Variants in ERBB4 observed in about 807,000 individuals in gnomAD.
The protein encoded by ERBB4 is receptor tyrosine-protein kinase erbB-4.
Under a neutral mutation model 158.0 loss-of-function variants are expected in ERBB4, and 42 were observed. That is an observed-to-expected ratio of 0.27 (90% CI 0.21 to 0.34). The LOEUF (loss-of-function observed/expected upper bound fraction) is 0.34. Among genes scored for constraint, ERBB4 ranks in the 10% least tolerant of loss-of-function variants. ERBB4 has a pLI of 1.00. For synonymous variants in ERBB4, 583 were observed against 558.7 expected (o/e 1.04, Z -0.61); for missense variants, 1,333 against 1,624.1 (o/e 0.82, Z 3.08).
At chr2:212,435,935 G>C (rs1046133721) in intron 1 of ERBB4, among the ~76,000 whole-genome samples, 16 of 151,368 alleles carry the variant, frequency 1.1e-4, no homozygotes, top group Admixed American at 6.6e-5. Context: ...ATAATCCTTT[G>C]GTGTGTCCCA....
Position 211,379,801 on chromosome 2 carries a change from G to T in ERBB4, c.*3814C>A, listed in dbSNP as rs934891391. ...GAATAATTCCAGTTTTGAAATAAAG[G>T]TTAGAGAGCTCTAGAAAAACTTGTA... On this transcript the variant is annotated 3_prime_UTR_variant, in exon 28 of 28. Transcript: ENST00000342788. 1 of 231,046 alleles carries T rather than the reference G, an allele frequency of 4.3e-6. No individual in the cohort carries two copies. The highest frequency in any genetic ancestry group is 2.2e-5 in the African/African-American group (1 of 45,354). 14.3% of individuals were successfully genotyped at this position (231,046 alleles called of 1,614,324 possible).
intron 20 of ERBB4, among the ~76,000 whole-genome samples, chr2:211,513,922 A>G (rs1362626354): frequency 1.3e-5 from 2 of 152,102 alleles, no homozygotes; most frequent in Non-Finnish European, 2.9e-5. Flanking sequence ...TGCTATTTTG[A>G]TGTAATGATC....
At chr2:211,972,326 G>T (rs962506646) in intron 2 of ERBB4, among the ~76,000 whole-genome samples, 1 of 152,152 alleles carries the variant, frequency 6.6e-6, no homozygotes, top group African/African-American at 2.4e-5. Flanking sequence ...TGGTCATACT[G>T]CCCAAAGCAA....
In ERBB4 at chr2:211,494,161, C is replaced by T. The variant is rs138013860; in HGVS notation, c.2488-63061G>A. 2.5e-3 allele frequency among the ~76,000 whole-genome samples: 382 copies of T among 152,154 alleles called. 1 individual carries two copies. Among genetic ancestry groups the T allele is most frequent in the African/African-American group, 8.7e-3 (361 of 41,536 alleles). ...GTGACTACAGGCAAGTGCTAACACG[C>T]CCAGCTAATTTTTGTATTTTTAGTA... On this transcript the variant is annotated intron_variant, in intron 20 of 27. Transcript: ENST00000342788.
chr2:212,236,586 C>T (rs1016141077), intron 1 of ERBB4, among the ~76,000 whole-genome samples: 4 of 152,184 alleles, frequency 2.6e-5, no homozygotes. Context: ...GCTCCGAATC[C>T]ATCTGGTCCT....
chr2:211,592,921 G>T (rs2068518874), intron 19 of ERBB4, among the ~76,000 whole-genome samples: 1 of 151,702 alleles, frequency 6.6e-6, no homozygotes. Context: ...TGAGGCAGGA[G>T]AATCGCTTGA....
intron 1 of ERBB4, among the ~76,000 whole-genome samples, chr2:212,514,134 G>A (rs1691689409): frequency 6.6e-6 from 1 of 151,462 alleles, no homozygotes; most frequent in Non-Finnish European, 1.5e-5. Flanking sequence ...AATCTTGTTT[G>A]CTCACTATCA....
chr2:211,994,752 C>A (rs1192162818), intron 2 of ERBB4, among the ~76,000 whole-genome samples: 1 of 152,070 alleles, frequency 6.6e-6, no homozygotes, highest in Non-Finnish European at 1.5e-5. Flanking sequence ...AAAGAAGGAG[C>A]CGTAGATATC....
intron 1 of ERBB4, among the ~76,000 whole-genome samples, chr2:212,157,734 A>G (rs2081084473): frequency 6.6e-6 from 1 of 152,116 alleles, no homozygotes; most frequent in Admixed American, 6.6e-5. Context: ...CATGTATAGA[A>G]ACTTTGTTTA....
At chr2:212,164,596 A>G (rs1034725615) in intron 1 of ERBB4, among the ~76,000 whole-genome samples, 2 of 152,062 alleles carry the variant, frequency 1.3e-5, no homozygotes, top group African/African-American at 4.8e-5. Context: ...TTTTGGGAAA[A>G]TAAATAAATA....
chr2:212,206,006 C>T (rs754007504), intron 1 of ERBB4, among the ~76,000 whole-genome samples: 5 of 152,056 alleles, frequency 3.3e-5, no homozygotes, highest in Non-Finnish European at 5.9e-5. Flanking sequence ...CCTTATAATA[C>T]CTATGATAAT....
At chr2:212,311,687 G>A (rs1028128528) in intron 1 of ERBB4, among the ~76,000 whole-genome samples, 1 of 150,676 alleles carries the variant, frequency 6.6e-6, no homozygotes, top group Non-Finnish European at 1.5e-5. Context: ...ACCACAAATG[G>A]GACCATTTTG....
intron 2 of ERBB4, among the ~76,000 whole-genome samples, chr2:212,114,825 A>T (rs928499555): frequency 3.9e-5 from 6 of 152,070 alleles, no homozygotes; most frequent in African/African-American, 1.4e-4. Context: ...CTGAACCTCC[A>T]AAAAAGCTTT....
At chr2:211,833,409 C>G (rs1046652807) in intron 3 of ERBB4, among the ~76,000 whole-genome samples, 1 of 152,000 alleles carries the variant, frequency 6.6e-6, no homozygotes, top group African/African-American at 2.4e-5. Context: ...GTAGAGGAAA[C>G]CCTTCCCAGA....
At chr2:211,749,671 C>T (rs570398977) in intron 5 of ERBB4, among the ~76,000 whole-genome samples, 1 of 151,644 alleles carries the variant, frequency 6.6e-6, no homozygotes, top group Non-Finnish European at 1.5e-5. Flanking sequence ...TAAAATAATC[C>T]TTTTATATCT....
intron 3 of ERBB4, among the ~76,000 whole-genome samples, chr2:211,824,668 GAAAAGA>G (rs1293898575): frequency 2.8e-5 from 4 of 141,614 alleles, no homozygotes; most frequent in African/African-American, 5.3e-5. Context: ...ATTTACAATA[GAAAAGA>G]AATGAACTTG....
At chr2:212,288,644 TA>T (rs2086092568) in intron 1 of ERBB4, among the ~76,000 whole-genome samples, 2 of 152,124 alleles carry the variant, frequency 1.3e-5, no homozygotes, top group Non-Finnish European at 2.9e-5. Flanking sequence ...TTTCATCCAA[TA>T]AACCCTGTCC....
chr2:211,520,824 C>G (rs1337936296), intron 20 of ERBB4, among the ~76,000 whole-genome samples: 1 of 152,064 alleles, frequency 6.6e-6, no homozygotes, highest in African/African-American at 2.4e-5. Context: ...ATATTTTAAA[C>G]TTTGTTATAA....
At chr2:211,997,800 A>G (rs1258453917) in intron 2 of ERBB4, among the ~76,000 whole-genome samples, 1 of 152,022 alleles carries the variant, frequency 6.6e-6, no homozygotes, top group Non-Finnish European at 1.5e-5. Flanking sequence ...GAATAAGGTA[A>G]CACTGATAAA....
Sources: gnomAD v4.1 joint callset for allele counts (sites outside exome capture counted in the v4.1 genomes callset) on GRCh38, gnomAD v4.1.1 for gene constraint, MANE v1.5 for transcripts, NCBI Gene and HGNC (gene_info 2026-07-23, HGNC 2026-07-21) for gene names.